Variants in CCDC146 observed in about 807,000 individuals in gnomAD.
CCDC146 encodes coiled-coil domain-containing protein 146.
A neutral mutation model predicts 119.3 loss-of-function variants in CCDC146; 92 were observed. The ratio of observed to expected loss-of-function variants is 0.77; its 90% CI spans 0.65 to 0.92. The LOEUF (loss-of-function observed/expected upper bound fraction) is 0.92. CCDC146 is among the 40% of genes least tolerant of loss of function. The pLI, the probability that CCDC146 is intolerant of heterozygous loss-of-function variation, is 0.00. For missense variants in CCDC146, 1,000 were observed against 1,103.0 expected, an observed-to-expected ratio of 0.91 and a Z score of 1.32; for synonymous variants, 372 against 371.8, an observed-to-expected ratio of 1.00 and a Z score of -0.01.
chr7:77,207,048 C>G (rs1792094948), intron 2 of CCDC146, among the ~76,000 whole-genome samples: 1 of 151,962 alleles, frequency 6.6e-6, no homozygotes, highest in South Asian at 2.1e-4. Flanking sequence ...GTCATGTGAA[C>G]TCGCAATAAA....
chr7:77,273,102 T>C (rs1793557517), intron 9 of CCDC146, among the ~76,000 whole-genome samples: 1 of 152,220 alleles, frequency 6.6e-6, no homozygotes, highest in Non-Finnish European at 1.5e-5. Context: ...GTTAGGCAGA[T>C]CATGGGTTCC....
rs549177681 is a variant in CCDC146 at position 77,196,553 on chromosome 7, T to C, written c.156+28729T>C. On this transcript the variant is annotated intron_variant, in intron 2 of 18. Coordinates refer to ENST00000285871, the MANE Select transcript of CCDC146 (RefSeq NM_020879.3). This position sits in a 1 kb window ranked among gnomAD's most constrained non-coding sequence, Gnocchi z 4.2. ...GGTGAAAAACTTCAGATCGTGGTTG[T>C]AATGTTTGTTGAAACGTAATGCATC... The C allele has an allele frequency of 9.9e-6, 16 of 1,614,222 alleles. No individual in the cohort carries two copies. The highest frequency in any genetic ancestry group is 7.7e-5 in the South Asian group (7 of 91,084).
intron 9 of CCDC146, among the ~76,000 whole-genome samples, chr7:77,266,324 TC>T (rs2150523237): frequency 6.6e-6 from 1 of 152,342 alleles, no homozygotes; most frequent in Admixed American, 6.5e-5. Context: ...TTTTCTCTCT[TC>T]ATGACTCATT....
chr7:77,158,561 C>T (rs1328278713), intron 1 of CCDC146, among the ~76,000 whole-genome samples: 15 of 151,928 alleles, frequency 9.9e-5, no homozygotes, highest in Non-Finnish European at 1.8e-4. Flanking sequence ...ACTCTGTTGC[C>T]CAGGCTGGAG....
chr7:77,264,247 ATTTAC>A (rs1793357870), intron 9 of CCDC146, among the ~76,000 whole-genome samples: 1 of 151,604 alleles, frequency 6.6e-6, no homozygotes, highest in Non-Finnish European at 1.5e-5. Context: ...GCATGGTATT[ATTTAC>A]TTTGATTTTT....
chr7:77,175,720 T>TA (rs942794720), intron 2 of CCDC146, among the ~76,000 whole-genome samples: 2 of 151,226 alleles, frequency 1.3e-5, no homozygotes, highest in Non-Finnish European at 2.9e-5. Context: ...AGATAAAAGA[T>TA]ACAGCATTTA....
intron 2 of CCDC146, among the ~76,000 whole-genome samples, chr7:77,227,095 T>C (rs1792529173): frequency 6.6e-6 from 1 of 152,196 alleles, no homozygotes; most frequent in Non-Finnish European, 1.5e-5. Flanking sequence ...GACTTTACCT[T>C]TTCCAATTTA....
chr7:77,282,381 G>C (rs948784937), intron 14 of CCDC146, 176 bp from the exon 15 acceptor site: 2 of 581,376 alleles, frequency 3.4e-6, no homozygotes, highest in African/African-American at 3.7e-5. Flanking sequence ...CCTATCCCTA[G>C]AGAATTCCAA....
intron 2 of CCDC146, among the ~76,000 whole-genome samples, chr7:77,201,198 G>A (rs1321758360): frequency 1.3e-5 from 2 of 152,100 alleles, no homozygotes; most frequent in East Asian, 1.9e-4. Flanking sequence ...TAGCTGTAGC[G>A]GAGGAATTTA....
At chr7:77,237,970 G>C (rs1053479433) in intron 3 of CCDC146, among the ~76,000 whole-genome samples, 1 of 152,060 alleles carries the variant, frequency 6.6e-6, no homozygotes, top group Non-Finnish European at 1.5e-5. Flanking sequence ...CCACTCCCCA[G>C]CCATCCTCTC....
chr7:77,174,082 A>AT (rs1365693389), intron 2 of CCDC146, among the ~76,000 whole-genome samples: 1 of 152,018 alleles, frequency 6.6e-6, no homozygotes, highest in Non-Finnish European at 1.5e-5. Flanking sequence ...CTTCCCAGTC[A>AT]TTGCTCCCAC....
At chr7:77,236,873 A>G (rs1792745902) in intron 2 of CCDC146, 74 bp from the exon 3 acceptor site, 1 of 1,076,602 alleles carries the variant, frequency 9.3e-7, no homozygotes, top group Non-Finnish European at 1.4e-6. Context: ...TAAGATAACC[A>G]TATATCCATT....
At chr7:77,270,662 C>G (rs1003517905) in intron 9 of CCDC146, among the ~76,000 whole-genome samples, 14 of 152,226 alleles carry the variant, frequency 9.2e-5, no homozygotes, top group Admixed American at 8.5e-4. Flanking sequence ...GTAATAGAAA[C>G]TCAACTATAA....
At chr7:77,125,086 C>G (rs531233551) in intron 1 of CCDC146, among the ~76,000 whole-genome samples, 1 of 151,874 alleles carries the variant, frequency 6.6e-6, no homozygotes, top group Non-Finnish European at 1.5e-5. Context: ...CCCAGCTACT[C>G]AGGAGGCTGA....
intron 1 of CCDC146, among the ~76,000 whole-genome samples, chr7:77,135,383 G>A (rs571932952): frequency 1.3e-5 from 2 of 152,030 alleles, no homozygotes; most frequent in East Asian, 1.9e-4. Flanking sequence ...AGCTATTCAG[G>A]AGGCTAAGAT....
intron 2 of CCDC146, among the ~76,000 whole-genome samples, chr7:77,227,547 C>T (rs536847274): frequency 4.5e-4 from 68 of 152,288 alleles, no homozygotes; most frequent in African/African-American, 1.4e-3. Flanking sequence ...CCTCGTGATC[C>T]GCCTGCCTCA....
At position 77,285,445 on chromosome 7, in the gene CCDC146, A is replaced by G. The variant is rs142856048; in HGVS notation, c.2149-1353A>G. ...TGTTAAATTATTTGTCAGCATTTGT[A>G]ATTATTTTTGTAGGGAGGAGGAGCA... On this transcript the variant is annotated intron_variant, in intron 15 of 18. Transcript: ENST00000285871. 3.3e-5 allele frequency among the ~76,000 whole-genome samples: 5 copies of G among 152,310 alleles called. No individual in the cohort carries two copies. In the East Asian group the frequency reaches 9.6e-4, roughly 29 times the overall value.
At chr7:77,276,619 G>A (rs1430535633) in intron 11 of CCDC146, among the ~76,000 whole-genome samples, 1 of 152,176 alleles carries the variant, frequency 6.6e-6, no homozygotes, top group African/African-American at 2.4e-5. Flanking sequence ...CATAATGAAG[G>A]CTGCAGCAAG....
At position 77,261,589 on chromosome 7, in the gene CCDC146, T is replaced by C. The variant is rs547357695; in HGVS notation, c.987-532T>C. Among the ~76,000 whole-genome samples, 488 of 152,124 alleles carry C rather than the reference T, an allele frequency of 3.2e-3. 5 individuals are homozygous for C. Among genetic ancestry groups the C allele is most frequent in the African/African-American group, 5.8e-3 (239 of 41,480 alleles). On this transcript the variant is annotated intron_variant, in intron 8 of 18. Transcript: ENST00000285871. The stretch of plus-strand genomic sequence containing the variant: ...GCTTCCCGGGTTCACGCCATTCTCC[T>C]GCCTCAGCCTCCCGAGTAGCTGGGA...
Sources: allele counts gnomAD v4.1 joint callset (sites outside exome capture counted in the v4.1 genomes callset), GRCh38; gene constraint gnomAD v4.1.1; non-coding constraint Gnocchi (gnomAD v3.1); transcripts MANE v1.5; gene names NCBI Gene and HGNC (gene_info 2026-07-23, HGNC 2026-07-21).